RAD51AP2: variants seen among roughly 807,000 people sequenced by gnomAD.
The protein encoded by RAD51AP2 is RAD51 associated protein 2.
RAD51AP2 carries 67 observed loss-of-function variants against 85.5 expected under a neutral mutation model. The observed-to-expected ratio is 0.78, with a 90% CI of 0.64 to 0.96. The LOEUF (loss-of-function observed/expected upper bound fraction) is 0.96. RAD51AP2 is among the 40% of genes least tolerant of loss of function. The pLI is 0.00. For synonymous variants in RAD51AP2, 474 were observed against 446.5 expected, an observed-to-expected ratio of 1.06 and a Z score of -0.78; for missense variants, 1,307 against 1,332.4, an observed-to-expected ratio of 0.98 and a Z score of 0.30.
chr2:17,536,059 T>C, the RAD51AP2 span, among the ~76,000 whole-genome samples: 1 of 151,802 alleles, frequency 6.6e-6, no homozygotes. Flanking sequence ...TGGTTGTCTC[T>C]GAGGGGGCAT....
Position 17,515,852 on chromosome 2 carries a change from T to A in RAD51AP2, c.2564A>T (p.Lys855Met), listed in dbSNP as rs72785705. 2.8e-4 allele frequency: 456 copies of A among 1,610,298 alleles called. No individual in the cohort carries two copies. Among genetic ancestry groups the A allele is most frequent in the Non-Finnish European group, 3.7e-4 (436 of 1,178,006 alleles). Residue 855 changes from lysine (K) to methionine (M), a missense_variant, in exon 1 of 3, where the codon AAG becomes ATG. Coordinates refer to ENST00000399080, the MANE Select transcript of RAD51AP2 (RefSeq NM_001099218.3). ...TNSCQVHKDT[K>M]IEKEEKDSFF... ...ACTATCTTTCTCTTCCTTTTCTATC[T>A]TAGTATCTTTGTGAACTTGGCAACT...
chr2:17,522,497 A>G (rs1662880296), upstream of RAD51AP2, among the ~76,000 whole-genome samples: 4 of 152,058 alleles, frequency 2.6e-5, 1 homozygote, highest in South Asian at 8.3e-4. Context: ...TTTTCTGCTT[A>G]CTTAGCTAAT....
At chr2:17,535,324 A>G in the RAD51AP2 span, among the ~76,000 whole-genome samples, 1 of 152,360 alleles carries the variant, frequency 6.6e-6, no homozygotes, top group Non-Finnish European at 1.5e-5. Context: ...GAGCACTAAA[A>G]AGACATGGCA....
At chr2:17,522,910 C>T (rs992956518), upstream of RAD51AP2, among the ~76,000 whole-genome samples, 1 of 151,738 alleles carries the variant, frequency 6.6e-6, no homozygotes, top group African/African-American at 2.4e-5. Flanking sequence ...CATATATTGA[C>T]ATTAAATAAA....
chr2:17,522,868 GCTAT>G (rs919305120), upstream of RAD51AP2, among the ~76,000 whole-genome samples: 1 of 151,674 alleles, frequency 6.6e-6, no homozygotes, highest in African/African-American at 2.4e-5. Flanking sequence ...AATTTATATA[GCTAT>G]CTTTTACTTA....
the RAD51AP2 span, among the ~76,000 whole-genome samples, chr2:17,530,584 CAAAAAAAAAAAAAAAAAAAA>C: frequency 1.2e-5 from 1 of 80,248 alleles, no homozygotes; most frequent in African/African-American, 6.2e-5. Context: ...GGCCCTGTCT[CAAAAAAAAAAAAAAAAAAAA>C]AAAAAAAAAA....
At chr2:17,537,406 T>G in the RAD51AP2 span, among the ~76,000 whole-genome samples, 1 of 152,238 alleles carries the variant, frequency 6.6e-6, no homozygotes, top group Admixed American at 6.5e-5. Flanking sequence ...ACCCTTTGCT[T>G]TTGGAATAAA....
At chr2:17,524,071 T>C in the RAD51AP2 span, among the ~76,000 whole-genome samples, 1 of 151,914 alleles carries the variant, frequency 6.6e-6, no homozygotes, top group Admixed American at 6.6e-5. Context: ...GAAATATGCA[T>C]ATAAAAGGAT....
At chr2:17,528,697 G>A in the RAD51AP2 span, among the ~76,000 whole-genome samples, 3 of 152,100 alleles carry the variant, frequency 2.0e-5, no homozygotes, top group Non-Finnish European at 2.9e-5. Context: ...TTAAAAATTA[G>A]CCTGGCATGG....
chr2:17,510,640 A>C lies in RAD51AP2; in HGVS notation c.*164T>G, dbSNP rs1261625079. 8 of 424,350 alleles carry C rather than the reference A, an allele frequency of 1.9e-5. No homozygotes were observed. In the Admixed American group the frequency reaches 2.1e-4, roughly 11 times the overall value. 26.3% of individuals were successfully genotyped at this position (424,350 alleles called of 1,614,324 possible). On this transcript the variant is annotated 3_prime_UTR_variant, in exon 3 of 3. Coordinates refer to ENST00000399080, the MANE Select transcript of RAD51AP2 (RefSeq NM_001099218.3). ...TTTTATATCATATAAAAATCCATAAAATATTTTATAACTTTGAAAGGTAAT... is the reference window on the plus strand; with the variant it reads ...TTTTATATCATATAAAAATCCATAACATATTTTATAACTTTGAAAGGTAAT...
chr2:17,521,556 C>T (rs1192510591), upstream of RAD51AP2, among the ~76,000 whole-genome samples: 1 of 151,992 alleles, frequency 6.6e-6, no homozygotes, highest in Non-Finnish European at 1.5e-5. Context: ...AGGAAAACAT[C>T]ATCACTTACT....
At chr2:17,529,692 T>C in the RAD51AP2 span, among the ~76,000 whole-genome samples, 6 of 152,328 alleles carry the variant, frequency 3.9e-5, no homozygotes, top group South Asian at 1.2e-3. Flanking sequence ...ATATTAAGAC[T>C]ACTAAAAATT....
the RAD51AP2 span, among the ~76,000 whole-genome samples, chr2:17,526,205 CT>C: frequency 2.0e-5 from 3 of 151,684 alleles, no homozygotes; most frequent in South Asian, 2.1e-4. Flanking sequence ...AGAGGATTTT[CT>C]TTTTTTTATT....
chr2:17,510,708 T>C lies in RAD51AP2; in HGVS notation c.*96A>G. On this transcript the variant is annotated 3_prime_UTR_variant, in exon 3 of 3. Transcript: ENST00000399080. ...CAAAAAAAAAAACTTCTCCACTTTA[T>C]AATAAAGCAAGCCCCAAACCCCCAA... The C allele has an allele frequency of 1.3e-6, 1 of 748,972 alleles. No homozygotes were observed. The highest frequency in any genetic ancestry group is 2.0e-6 in the Non-Finnish European group (1 of 505,028). The allele number at this position is 748,972 out of a possible 1,614,324, so 46.4% of individuals were successfully genotyped here.
upstream of RAD51AP2, among the ~76,000 whole-genome samples, chr2:17,519,432 C>T (rs1253016682): frequency 6.6e-6 from 1 of 151,944 alleles, no homozygotes; most frequent in African/African-American, 2.4e-5. Context: ...CACCTCGATT[C>T]CCTTGGTGGT....
the RAD51AP2 span, among the ~76,000 whole-genome samples, chr2:17,529,611 G>A: frequency 6.6e-6 from 1 of 152,144 alleles, no homozygotes. Flanking sequence ...GTAGCTTTAT[G>A]ATATCATTAG....
chr2:17,516,417 TGA>T lies in RAD51AP2; in HGVS notation c.1997_1998del (p.Leu666HisfsTer2). 6.2e-7 allele frequency: 1 copy of T among 1,601,920 alleles called. No homozygotes were observed. The highest frequency in any genetic ancestry group is 1.1e-5 in the South Asian group (1 of 87,862). ...TGAGTTGTCATACTGAAGGAATTAA[TGA>T]GTTTTTTCTTAGACTTTTCAAAAAC... is the stretch of plus-strand genomic sequence containing the variant. ...EQVFEKSKKK[L>X]INSFSMTTQN... On this transcript the variant is annotated frameshift_variant, in exon 1 of 3. Coordinates refer to ENST00000399080, the MANE Select transcript of RAD51AP2 (RefSeq NM_001099218.3). LOFTEE classifies it high-confidence loss of function.
Position 17,516,421 on chromosome 2 carries a change from T to A in RAD51AP2, c.1995A>T (p.Lys665Asn), listed in dbSNP as rs746772151. The change falls in exon 1 of 3, where the codon AAA becomes AAT. Residue 665 changes from lysine to asparagine, a missense_variant. This residue lies in a region of RAD51AP2 where 668 missense variants were observed against 671.0 expected (regional missense o/e 1.00). Transcript: ENST00000399080. ...TEQVFEKSKK[K>N]LINSFSMTTQ... is the part of the protein sequence containing the mutation. The stretch of plus-strand genomic sequence containing the variant: ...TTGTCATACTGAAGGAATTAATGAG[T>A]TTTTTCTTAGACTTTTCAAAAACTT... 5.0e-6 allele frequency: 8 copies of A among 1,598,418 alleles called. No individual in the cohort carries two copies.
At chr2:17,533,010 C>T in the RAD51AP2 span, among the ~76,000 whole-genome samples, 1 of 152,154 alleles carries the variant, frequency 6.6e-6, no homozygotes, top group East Asian at 1.9e-4. Context: ...AATTTGCAAA[C>T]AAATATGTAG....
Sources: allele counts gnomAD v4.1 joint callset (sites outside exome capture counted in the v4.1 genomes callset), GRCh38; gene constraint gnomAD v4.1.1; regional missense constraint gnomAD v4.1.1; transcripts MANE v1.5; gene names NCBI Gene and HGNC (gene_info 2026-07-23, HGNC 2026-07-21).